TCF4: variants seen among roughly 807,000 people sequenced by gnomAD.
The protein encoded by TCF4 is SL3-3 enhancer factor 2.
Under a neutral mutation model 82.1 loss-of-function variants are expected in TCF4, and 3 were observed. That is an observed-to-expected ratio of 0.04 (90% CI 0.02 to 0.09). The LOEUF (loss-of-function observed/expected upper bound fraction) is 0.09. Ranked by LOEUF, TCF4 falls within the 10% of genes least tolerant of loss-of-function variation. TCF4 has a pLI of 1.00. For missense variants in TCF4, 518 were observed against 852.7 expected (o/e 0.61, Z 4.89); for synonymous variants, 276 against 309.6 (o/e 0.89, Z 1.14).
intron 6 of TCF4, among the ~76,000 whole-genome samples, chr18:55,395,968 G>C (rs548312947): frequency 6.6e-6 from 1 of 151,910 alleles, no homozygotes; most frequent in South Asian, 2.1e-4. Flanking sequence ...GGAACGATGC[G>C]ATCTGCCCTC....
At chr18:55,380,466 G>T (rs1348122246) in intron 6 of TCF4, among the ~76,000 whole-genome samples, 1 of 151,774 alleles carries the variant, frequency 6.6e-6, no homozygotes, top group Non-Finnish European at 1.5e-5. Context: ...CTTCTTATAA[G>T]GACATTAATT....
chr18:55,497,198 G>C (rs557673162), intron 3 of TCF4, among the ~76,000 whole-genome samples: 2 of 152,220 alleles, frequency 1.3e-5, no homozygotes, highest in Admixed American at 6.5e-5. Flanking sequence ...CCAGAATTTT[G>C]TTTGATTTTT....
In TCF4 at chr18:55,586,189, CAGCAGCAGCAGCAGCA is replaced by C. The variant is rs1327223501; in HGVS notation, c.72+840_73-838del. On this transcript the variant is annotated intron_variant, in intron 2 of 19. Coordinates refer to ENST00000354452, the MANE Select transcript of TCF4 (RefSeq NM_001083962.2). ...GCAGCAGCAGCAGCAGCAGCAGCAG[CAGCAGCAGCAGCAGCA>C]GCAGCAGCAGCAGCAGCAGCAGCAT... 7 of 637,738 alleles carry C rather than the reference CAGCAGCAGCAGCAGCA, an allele frequency of 1.1e-5. No individual in the cohort carries two copies. In the African/African-American group the frequency reaches 1.3e-4, roughly 12 times the overall value. 39.5% of individuals were successfully genotyped at this position (637,738 alleles called of 1,614,324 possible).
At chr18:55,292,398 C>G (rs1319487912) in intron 8 of TCF4, among the ~76,000 whole-genome samples, 1 of 151,984 alleles carries the variant, frequency 6.6e-6, no homozygotes. Flanking sequence ...AATTGAGAAG[C>G]AGTTTAAAAT....
rs540695274 is a variant in TCF4, at chr18:55,555,838, T to C, written c.145+29442A>G. Reference sequence around the variant, plus strand: ...CATTTAACCTTTCAATATTTAAAGATAATATTTAATTTGAGCAAATTAATG... The same window carrying C: ...CATTTAACCTTTCAATATTTAAAGACAATATTTAATTTGAGCAAATTAATG... On this transcript the variant is annotated intron_variant, in intron 3 of 19. Transcript: ENST00000354452. Among the ~76,000 whole-genome samples, 3 of 152,320 alleles carry C rather than the reference T, an allele frequency of 2.0e-5. No homozygotes were observed. The East Asian group carries it at 5.8e-4, about 29-fold the overall frequency.
At chr18:55,526,789 C>A (rs1435432100) in intron 3 of TCF4, among the ~76,000 whole-genome samples, 1 of 152,180 alleles carries the variant, frequency 6.6e-6, no homozygotes, top group Non-Finnish European at 1.5e-5. Context: ...TAACCCTCAA[C>A]TGGATCCTAA....
At chr18:55,332,202 G>A (rs1372620864) in intron 8 of TCF4, 1 of 151,928 alleles carries the variant, frequency 6.6e-6, no homozygotes, top group Non-Finnish European at 1.5e-5. Context: ...ATTTCCTGAT[G>A]ACGTAGAAGA....
chr18:55,532,311 G>A (rs1347152667), intron 3 of TCF4, among the ~76,000 whole-genome samples: 1 of 152,128 alleles, frequency 6.6e-6, no homozygotes, highest in East Asian at 1.9e-4. Context: ...AACACGCCAT[G>A]GCTAGATCCC....
chr18:55,524,532 G>A (rs1203742334), intron 3 of TCF4, among the ~76,000 whole-genome samples: 4 of 152,096 alleles, frequency 2.6e-5, no homozygotes. Flanking sequence ...AGAAGACCAT[G>A]ATTATTGATT....
At chr18:55,542,420 G>A (rs1431248768) in intron 3 of TCF4, among the ~76,000 whole-genome samples, 1 of 151,896 alleles carries the variant, frequency 6.6e-6, no homozygotes, top group African/African-American at 2.4e-5. Context: ...TTACTTTGCA[G>A]ATTTTAGGAA....
At chr18:55,228,124 A>T (rs2046855951) in intron 19 of TCF4, 94 bp from the exon 20 acceptor site, 1 of 1,496,232 alleles carries the variant, frequency 6.7e-7, no homozygotes, top group African/African-American at 1.4e-5. Context: ...CCATGAAAGA[A>T]AATATCTGTC....
At chr18:55,275,572 T>G (rs1438581163) in intron 10 of TCF4, 47 bp downstream of exon 10, 2 of 1,613,170 alleles carry the variant, frequency 1.2e-6, no homozygotes, top group South Asian at 2.2e-5. Context: ...GGACGAGGTT[T>G]AATCAACTAG....
intron 3 of TCF4, among the ~76,000 whole-genome samples, chr18:55,508,611 T>C (rs1259269645): frequency 2.6e-5 from 4 of 152,206 alleles, no homozygotes; most frequent in African/African-American, 9.6e-5. Flanking sequence ...AGAAATTAAA[T>C]AACTGTGTTG....
At position 55,578,105 on chromosome 18, in the gene TCF4, C is replaced by T. The variant is rs576357656; in HGVS notation, c.145+7175G>A. On this transcript the variant is annotated intron_variant, in intron 3 of 19. Coordinates refer to ENST00000354452, the MANE Select transcript of TCF4 (RefSeq NM_001083962.2). ...CCCTGATATTTAATCATGGGTCTTA[C>T]TTTGTTATTTTTAATAACACAATAC... 3.9e-5 allele frequency among the ~76,000 whole-genome samples: 6 copies of T among 152,222 alleles called. No homozygotes were observed. The South Asian group carries it at 1.0e-3, about 26-fold the overall frequency.
intron 6 of TCF4, among the ~76,000 whole-genome samples, chr18:55,369,401 G>A (rs1322608832): frequency 6.6e-6 from 1 of 152,164 alleles, no homozygotes; most frequent in Non-Finnish European, 1.5e-5. Context: ...CAAGCAGATG[G>A]TCAGAGAAAG....
upstream of TCF4, chr18:55,591,061 A>C (rs547125719): frequency 2.0e-5 from 3 of 152,346 alleles, no homozygotes; most frequent in African/African-American, 7.2e-5. Context: ...CCATTTGCTG[A>C]TAAAAGTTTG....
rs1280333530 is a variant in TCF4 at position 55,460,627 on chromosome 18, T to A, written c.304+392A>T. 3.3e-5 allele frequency among the ~76,000 whole-genome samples: 5 copies of A among 152,216 alleles called. No individual in the cohort carries two copies. The East Asian group carries it at 9.6e-4, about 29-fold the overall frequency. Reference sequence around the variant, plus strand: ...TAACCCCTTTAGCAGAAATCACAGTTAACACTGACTATATATCACTGCCAA... The same window carrying A: ...TAACCCCTTTAGCAGAAATCACAGTAAACACTGACTATATATCACTGCCAA... On this transcript the variant is annotated intron_variant, in intron 5 of 19. Coordinates refer to ENST00000354452, the MANE Select transcript of TCF4 (RefSeq NM_001083962.2).
In TCF4 at chr18:55,322,502, C is replaced by T. The variant is rs1054715370; in HGVS notation, c.549+27857G>A. 5 of 981,630 alleles carry T rather than the reference C, an allele frequency of 5.1e-6. No homozygotes were observed. In the African/African-American group the frequency reaches 7.0e-5, roughly 14 times the overall value. 60.8% of individuals were successfully genotyped at this position (981,630 alleles called of 1,614,324 possible). On this transcript the variant is annotated intron_variant, in intron 8 of 19. Coordinates refer to ENST00000354452, the MANE Select transcript of TCF4 (RefSeq NM_001083962.2). ...GGAGAGAGGGGGCAGTGTTTTCTGACTGCTTGGTCAACAACCTACAAAACG... is the reference window on the plus strand; with the variant it reads ...GGAGAGAGGGGGCAGTGTTTTCTGATTGCTTGGTCAACAACCTACAAAACG...
chr18:55,561,004 C>G (rs1568402142), intron 3 of TCF4, among the ~76,000 whole-genome samples: 2 of 152,222 alleles, frequency 1.3e-5, no homozygotes, highest in South Asian at 4.1e-4. Flanking sequence ...ATTGCATGGC[C>G]CTAGCCAAAC....
Sources: allele counts gnomAD v4.1 joint callset (sites outside exome capture counted in the v4.1 genomes callset), GRCh38; gene constraint gnomAD v4.1.1; transcripts MANE v1.5; gene names NCBI Gene and HGNC (gene_info 2026-07-23, HGNC 2026-07-21).